ALDH16A1: variants seen among roughly 807,000 people sequenced by gnomAD.
ALDH16A1 encodes aldehyde dehydrogenase 16 family member A1.
In ALDH16A1, 88 loss-of-function variants were observed where a neutral mutation model predicts 96.1. That is an observed-to-expected ratio of 0.92 (90% CI 0.77 to 1.09). The LOEUF is 1.09. ALDH16A1 is among the 50% of genes least tolerant of loss of function. The pLI is 0.00. For synonymous variants in ALDH16A1, 522 were observed against 496.4 expected (o/e 1.05, Z -0.69); for missense variants, 1,250 against 1,112.6 (o/e 1.12, Z -1.76).
chr19:49,468,482 G>T lies in ALDH16A1; in HGVS notation c.2040G>T (p.Leu680=). The change falls in exon 15 of 17, where the codon CTG becomes CTT. Residue 680 remains leucine (L), a synonymous_variant. Transcript: ENST00000293350. The surrounding 1 kb of genome is among the most constrained non-coding windows in gnomAD (Gnocchi z 4.4). ...GGCCCCTGCTTGCCTTCGTGTCCCTGCTGGCTCCCGCCCTGGCCTACGGCA... is the reference window on the plus strand; with the variant it reads ...GGCCCCTGCTTGCCTTCGTGTCCCTTCTGGCTCCCGCCCTGGCCTACGGCA... ...DEWPLLAFVS[L]LAPALAYGNT... 6.2e-7 allele frequency: 1 copy of T among 1,603,064 alleles called. No homozygotes were observed. Among genetic ancestry groups the T allele is most frequent in the Middle Eastern group, 1.7e-4 (1 of 5,984 alleles).
At position 49,459,758 on chromosome 19, in the gene ALDH16A1, G is replaced by A. The variant is rs61732841; in HGVS notation, c.409G>A (p.Gly137Arg). The change falls in exon 4 of 17, where the codon GGG becomes AGG. Residue 137 changes from glycine (G) to arginine (R), a missense_variant. Physicochemically the swap from Gly to Arg is moderately radical, Grantham distance 125 (BLOSUM62 -2). Transcript: ENST00000293350. This position sits in a 1 kb window ranked among gnomAD's most constrained non-coding sequence, Gnocchi z 4.1. ...TGRAVREVRD[G>R]DVQLAQQLLH... ...GCGGGCTGTTCGAGAGGTTCGAGACGGGGACGTCCAGCTGGCCCAGCAGCT... is the reference window on the plus strand; with the variant it reads ...GCGGGCTGTTCGAGAGGTTCGAGACAGGGACGTCCAGCTGGCCCAGCAGCT... 262 of 1,613,656 alleles carry A rather than the reference G, an allele frequency of 1.6e-4. No homozygotes were observed. The African/African-American group carries it at 2.9e-3, about 18-fold the overall frequency.
At position 49,468,712 on chromosome 19, in the gene ALDH16A1, C is replaced by T; in HGVS notation, c.2124+146C>T. 7.4e-7 allele frequency: 1 copy of T among 1,351,626 alleles called. No homozygotes were observed. Among genetic ancestry groups the T allele is most frequent in the South Asian group, 1.4e-5 (1 of 73,936 alleles). 83.7% of individuals were successfully genotyped at this position (1,351,626 alleles called of 1,614,324 possible). On this transcript the variant is annotated intron_variant, in intron 15 of 16. Transcript: ENST00000293350. This position sits in a 1 kb window ranked among gnomAD's most constrained non-coding sequence, Gnocchi z 4.4. Reference sequence around the variant, plus strand: ...AGCCCCAGCACCCAAACCTTCACTCCTTGGGGACCCAGTGCCCATTCTTCA... The same window carrying T: ...AGCCCCAGCACCCAAACCTTCACTCTTTGGGGACCCAGTGCCCATTCTTCA...
At chr19:49,457,767 A>C (rs1402068360) in intron 1 of ALDH16A1, among the ~76,000 whole-genome samples, 1 of 151,224 alleles carries the variant, frequency 6.6e-6, no homozygotes, top group Non-Finnish European at 1.5e-5. Flanking sequence ...TCACCACCAC[A>C]CCCGGCTAAC....
chr19:49,464,614 A>T lies in ALDH16A1; in HGVS notation c.1438-18A>T. On this transcript the variant is annotated intron_variant, in intron 11 of 16. Transcript: ENST00000293350. ...CTCGCGTGCCCCTTGCATCCTCTTG[A>T]CACCGTCCCTCTCACAGGGGCTGTA... 1.2e-6 allele frequency: 2 copies of T among 1,613,782 alleles called. No individual in the cohort carries two copies. Among genetic ancestry groups the T allele is most frequent in the South Asian group, 1.1e-5 (1 of 91,068 alleles).
At chr19:49,464,904 A>G in intron 12 of ALDH16A1, 142 bp downstream of exon 12, 1 of 1,319,608 alleles carries the variant, frequency 7.6e-7, no homozygotes, top group African/African-American at 1.5e-5. Flanking sequence ...GTGGCCTCAC[A>G]CTTTCCCTAC....
chr19:49,468,295 G>A lies in ALDH16A1; in HGVS notation c.1939-86G>A. The A allele has an allele frequency of 7.0e-7, 1 of 1,420,682 alleles. No individual in the cohort carries two copies. The highest frequency in any genetic ancestry group is 9.6e-7 in the Non-Finnish European group (1 of 1,046,082). 88.0% of individuals were successfully genotyped at this position (1,420,682 alleles called of 1,614,324 possible). A position where few individuals can be genotyped will look rare whatever the true frequency, so the allele number is the denominator to read the frequency against. ...GGTGCGGTTTGGGCCAACACCAAGTGTTGGGGAGAATGTAGAGGAACTGGA... is the reference window on the plus strand; with the variant it reads ...GGTGCGGTTTGGGCCAACACCAAGTATTGGGGAGAATGTAGAGGAACTGGA... On this transcript the variant is annotated intron_variant, in intron 14 of 16. Transcript: ENST00000293350. The surrounding 1 kb of genome is among the most constrained non-coding windows in gnomAD (Gnocchi z 4.4).
Position 49,464,530 on chromosome 19 carries a change from C to T in ALDH16A1, c.1437+8C>T, listed in dbSNP as rs1258413148. On this transcript the variant is annotated splice_region_variant and intron_variant, in intron 11 of 16. Transcript: ENST00000293350. The stretch of plus-strand genomic sequence containing the variant: ...TGGCACGGGGGCCCAGACGTGAGTA[C>T]ATCCCCTCCCCGTCACCAGCCCCCC... The T allele has an allele frequency of 6.2e-7, 1 of 1,613,496 alleles. No individual in the cohort carries two copies. Among genetic ancestry groups the T allele is most frequent in the Non-Finnish European group, 8.5e-7 (1 of 1,179,762 alleles).
intron 1 of ALDH16A1, among the ~76,000 whole-genome samples, chr19:49,457,190 G>A (rs1408133918): frequency 1.3e-5 from 2 of 151,814 alleles, no homozygotes; most frequent in African/African-American, 2.4e-5. Flanking sequence ...TCTGTAGAAG[G>A]AGCAAGTGAG....
chr19:49,466,584 G>A (rs1276030324), intron 14 of ALDH16A1, among the ~76,000 whole-genome samples: 1 of 152,234 alleles, frequency 6.6e-6, no homozygotes, highest in Non-Finnish European at 1.5e-5. Flanking sequence ...AACACCTGGG[G>A]GCGCAGTGGC....
intron 1 of ALDH16A1, 66 bp downstream of exon 1, chr19:49,453,487 G>C (rs1051128414): frequency 8.4e-6 from 12 of 1,423,460 alleles, no homozygotes; most frequent in Non-Finnish European, 1.1e-5. Flanking sequence ...GTTTTTCGCG[G>C]GGAGTCCCGT....
intron 12 of ALDH16A1, 46 bp from the exon 13 acceptor site, chr19:49,465,692 C>T: frequency 6.4e-7 from 1 of 1,573,630 alleles, no homozygotes. Flanking sequence ...AGGGTCTGAG[C>T]AGATTGAGGC....
chr19:49,466,147 G>T lies in ALDH16A1; in HGVS notation c.1802G>T (p.Arg601Leu). The T allele has an allele frequency of 6.4e-7, 1 of 1,558,566 alleles. No homozygotes were observed. The change falls in exon 14 of 17, where the codon CGC becomes CTC. Residue 601 changes from arginine to leucine, a missense_variant. Physicochemically the swap from Arg to Leu is moderately radical, Grantham distance 102. Coordinates refer to ENST00000293350, the MANE Select transcript of ALDH16A1 (RefSeq NM_153329.4). ...TGGGCCCTGGCGGCTGCACTGGAGC[G>T]CCGGAAGTCTACCCTGGCCTCGAGG... ...LLWALAAALE[R>L]RKSTLASRLE... is the part of the protein sequence containing the mutation.
chr19:49,461,937 G>C lies in ALDH16A1; in HGVS notation c.813G>C (p.Leu271=). 1 of 1,575,128 alleles carries C rather than the reference G, an allele frequency of 6.3e-7. No individual in the cohort carries two copies. The highest frequency in any genetic ancestry group is 2.3e-5 in the East Asian group (1 of 42,676). The change falls in exon 7 of 17, where the codon CTG becomes CTC. Residue 271 remains leucine, a synonymous_variant. Transcript: ENST00000293350. ...SLAGECAELG[L]ALGTESLLLL... ...CGGGAGAGTGTGCGGAGCTGGGCCT[G>C]GCGCTGGGGACGGAGTCGCTGCTGC...
rs1358490752 is a variant in ALDH16A1 at position 49,461,721 on chromosome 19, T to C, written c.680T>C (p.Leu227Pro). Residue 227 changes from leucine (L) to proline (P), a missense_variant, in exon 6 of 17, where the codon CTC becomes CCC. By Grantham distance (98) the Leu-to-Pro change is moderately conservative. Coordinates refer to ENST00000293350, the MANE Select transcript of ALDH16A1 (RefSeq NM_153329.4). ...CCCTTCCCGGGAATCCTGAATGTCC[T>C]CAGTGGCCCTGCGTCCCTGGTGCCC... ...LGPFPGILNV[L>P]SGPASLVPIL... is the part of the protein sequence containing the mutation. 3.7e-6 allele frequency: 6 copies of C among 1,610,148 alleles called. No homozygotes were observed. Among genetic ancestry groups the C allele is most frequent in the Non-Finnish European group, 5.1e-6 (6 of 1,178,330 alleles).
intron 8 of ALDH16A1, among the ~76,000 whole-genome samples, chr19:49,463,016 G>A (rs2079165722): frequency 8.9e-6 from 1 of 112,278 alleles, no homozygotes; most frequent in Non-Finnish European, 1.7e-5. Flanking sequence ...GGGAGGAGGG[G>A]CTGGGCCTGG....
chr19:49,470,501 T>A lies in ALDH16A1; in HGVS notation c.*34T>A. ...CGCCACCTACTGCATTTTGGACACCTCACACCAAGGGGAGATGCACCCCAC... is the reference window on the plus strand; with the variant it reads ...CGCCACCTACTGCATTTTGGACACCACACACCAAGGGGAGATGCACCCCAC... On this transcript the variant is annotated 3_prime_UTR_variant, in exon 17 of 17. Coordinates refer to ENST00000293350, the MANE Select transcript of ALDH16A1 (RefSeq NM_153329.4). 1 of 1,490,744 alleles carries A rather than the reference T, an allele frequency of 6.7e-7. No homozygotes were observed. The highest frequency in any genetic ancestry group is 8.9e-7 in the Non-Finnish European group (1 of 1,121,652). The allele number at this position is 1,490,744 out of a possible 1,614,324, so 92.3% of individuals were successfully genotyped here.
Position 49,459,857 on chromosome 19 carries a change from C to T in ALDH16A1, c.499+9C>T. On this transcript the variant is annotated intron_variant, in intron 4 of 16. Transcript: ENST00000293350. The surrounding 1 kb of genome is among the most constrained non-coding windows in gnomAD (Gnocchi z 4.1). ...AGGCTGGGAGCCCATGGGTGAGACC[C>T]TGGAGTCCCTAGCCCTATCCTCCCA... 1 of 1,612,044 alleles carries T rather than the reference C, an allele frequency of 6.2e-7. No homozygotes were observed. Among genetic ancestry groups the T allele is most frequent in the Admixed American group, 1.7e-5 (1 of 59,662 alleles).
intron 8 of ALDH16A1, 98 bp from the exon 9 acceptor site, chr19:49,463,756 G>C (rs1005315313): frequency 1.9e-6 from 2 of 1,052,302 alleles, no homozygotes; most frequent in Non-Finnish European, 2.8e-6. Context: ...TGGGGGCCTG[G>C]ACTCCTGGGT....
chr19:49,453,944 A>G (rs1319060949), intron 1 of ALDH16A1, among the ~76,000 whole-genome samples: 5 of 151,048 alleles, frequency 3.3e-5, no homozygotes, highest in South Asian at 2.1e-4. Flanking sequence ...GGACCCCTCA[A>G]TACTCGTGGG....
Sources: gnomAD v4.1 joint callset for allele counts (sites outside exome capture counted in the v4.1 genomes callset) on GRCh38, gnomAD v4.1.1 for gene constraint, Gnocchi (gnomAD v3.1) non-coding constraint, MANE v1.5 for transcripts, NCBI Gene and HGNC (gene_info 2026-07-23, HGNC 2026-07-21) for gene names.